PAPSS1: variants seen among roughly 807,000 people sequenced by gnomAD.
The protein encoded by PAPSS1 is 3'-phosphoadenosine 5'-phosphosulfate synthase 1, also known as bifunctional 3'-phosphoadenosine 5'-phosphosulfate synthase 1.
Under a neutral mutation model 72.0 loss-of-function variants are expected in PAPSS1, and 50 were observed. The ratio of observed to expected loss-of-function variants is 0.69; its 90% confidence interval spans 0.55 to 0.88. The LOEUF (loss-of-function observed/expected upper bound fraction) is 0.88. Among genes scored for constraint, PAPSS1 ranks in the 40% least tolerant of loss-of-function variants. The pLI, the probability that PAPSS1 is intolerant of heterozygous loss-of-function variation, is 0.00. For synonymous variants in PAPSS1, 261 were observed against 263.6 expected (o/e 0.99, Z 0.09); for missense variants, 657 against 782.2 (o/e 0.84, Z 1.91).
chr4:107,671,856 T>C (rs1325127979), intron 5 of PAPSS1, among the ~76,000 whole-genome samples: 1 of 152,236 alleles, frequency 6.6e-6, no homozygotes, highest in African/African-American at 2.4e-5. Flanking sequence ...TTCATTGTTG[T>C]ATTAATTTTC....
chr4:107,686,011 G>GT (rs1169547833), intron 4 of PAPSS1, among the ~76,000 whole-genome samples: 4 of 152,058 alleles, frequency 2.6e-5, no homozygotes, highest in African/African-American at 9.7e-5. Context: ...TTTTTGTTTT[G>GT]TTTTTGCCAG....
intron 5 of PAPSS1, among the ~76,000 whole-genome samples, chr4:107,661,149 A>T (rs1220696012): frequency 6.6e-6 from 1 of 152,222 alleles, no homozygotes; most frequent in East Asian, 1.9e-4. Context: ...AATCAAAACA[A>T]GATAGCACAA....
At chr4:107,633,992 C>G (rs940048384) in intron 10 of PAPSS1, among the ~76,000 whole-genome samples, 20 of 150,940 alleles carry the variant, frequency 1.3e-4, no homozygotes, top group Admixed American at 1.3e-3. Flanking sequence ...ATCAAATTAG[C>G]AGCAATTCTA....
intron 5 of PAPSS1, among the ~76,000 whole-genome samples, chr4:107,673,102 A>C (rs1319095121): frequency 6.6e-6 from 1 of 152,190 alleles, no homozygotes; most frequent in Admixed American, 6.5e-5. Flanking sequence ...AAAACCACAA[A>C]GATGGGGAAA....
chr4:107,704,699 C>T (rs905430742), intron 1 of PAPSS1, among the ~76,000 whole-genome samples: 1 of 152,158 alleles, frequency 6.6e-6, no homozygotes, highest in African/African-American at 2.4e-5. Context: ...CACCACTAAT[C>T]CCAGCACTTC....
rs1370895603 is a variant in PAPSS1, at chr4:107,621,213, C to T, written c.1737-6826G>A. On this transcript the variant is annotated intron_variant, in intron 11 of 11. Transcript: ENST00000265174. The stretch of plus-strand genomic sequence containing the variant: ...ATAAACTTCTTTATTCAACTGCAAC[C>T]AGTGAGATTTATGGCATAGTATGGT... 2.0e-5 allele frequency among the ~76,000 whole-genome samples: 3 copies of T among 152,044 alleles called. 1 individual carries two copies. In the South Asian group the frequency reaches 6.2e-4, roughly 32 times the overall value.
chr4:107,720,132 G>A lies in PAPSS1; in HGVS notation c.48C>T (p.Asn16=). ...GTCCCCAGCTTACCCAGTTCTGCGC[G>A]TTATTGCTCAGTTTGACTTTCTTGC... ...SLCKKVKLSN[N]AQNWGMQRAT... Residue 16 remains asparagine (N), a synonymous_variant, in exon 1 of 12, where the codon AAC becomes AAT. Transcript: ENST00000265174. The A allele has an allele frequency of 6.2e-7, 1 of 1,606,574 alleles. No homozygotes were observed. Among genetic ancestry groups the A allele is most frequent in the Non-Finnish European group, 8.5e-7 (1 of 1,176,762 alleles).
intron 11 of PAPSS1, among the ~76,000 whole-genome samples, chr4:107,624,611 T>C (rs1413355387): frequency 6.6e-6 from 1 of 152,168 alleles, no homozygotes; most frequent in East Asian, 1.9e-4. Context: ...TATAATTTGA[T>C]TTTCAAAAAT....
intron 5 of PAPSS1, among the ~76,000 whole-genome samples, chr4:107,669,528 T>C (rs1400512008): frequency 6.6e-6 from 1 of 152,212 alleles, no homozygotes; most frequent in Non-Finnish European, 1.5e-5. Flanking sequence ...GGAATGTTTA[T>C]TGCTTAATTC....
intron 8 of PAPSS1, among the ~76,000 whole-genome samples, chr4:107,654,336 C>G (rs1350018614): frequency 7.2e-5 from 11 of 152,152 alleles, no homozygotes; most frequent in Non-Finnish European, 1.5e-5. Flanking sequence ...CTGGTGAGGG[C>G]TCCCTTAGCC....
At chr4:107,619,895 C>T (rs749421050) in intron 11 of PAPSS1, among the ~76,000 whole-genome samples, 4 of 152,142 alleles carry the variant, frequency 2.6e-5, no homozygotes, top group African/African-American at 7.2e-5. Context: ...GAAAAAAACC[C>T]GAAATGAGCA....
At chr4:107,688,768 T>G (rs751009045) in intron 3 of PAPSS1, among the ~76,000 whole-genome samples, 2 of 152,200 alleles carry the variant, frequency 1.3e-5, no homozygotes, top group Non-Finnish European at 2.9e-5. Flanking sequence ...CACTGAAGCT[T>G]GAACCCTGAC....
At chr4:107,704,811 A>C (rs1245597618) in intron 1 of PAPSS1, among the ~76,000 whole-genome samples, 1 of 152,002 alleles carries the variant, frequency 6.6e-6, no homozygotes, top group Non-Finnish European at 1.5e-5. Context: ...ATTAGCCGGG[A>C]ATGGTGGCAT....
At chr4:107,628,501 G>T (rs1253776490) in intron 11 of PAPSS1, among the ~76,000 whole-genome samples, 1 of 152,188 alleles carries the variant, frequency 6.6e-6, no homozygotes, top group Non-Finnish European at 1.5e-5. Context: ...AGTATCATGG[G>T]AAAGGATGGC....
chr4:107,680,841 A>G (rs1263071813), intron 5 of PAPSS1, among the ~76,000 whole-genome samples: 1 of 152,208 alleles, frequency 6.6e-6, no homozygotes, highest in East Asian at 1.9e-4. Context: ...TGAAGCATAA[A>G]ACCTCCTGGG....
chr4:107,677,897 G>A lies in PAPSS1; in HGVS notation c.669+4118C>T, dbSNP rs139624810. Among the ~76,000 whole-genome samples the A allele has an allele frequency of 7.7e-3, 1,173 of 152,308 alleles. 24 individuals carry two copies. Among genetic ancestry groups the A allele is most frequent in the Admixed American group, 0.047 (719 of 15,296 alleles). ...TCATGTCCTTTGTAGGGACATGGATGAAGCTGGAAACCATCATTCTCAGCA... is the reference window on the plus strand; with the variant it reads ...TCATGTCCTTTGTAGGGACATGGATAAAGCTGGAAACCATCATTCTCAGCA... On this transcript the variant is annotated intron_variant, in intron 5 of 11. Transcript: ENST00000265174.
intron 2 of PAPSS1, among the ~76,000 whole-genome samples, chr4:107,695,750 G>A (rs1560588363): frequency 6.6e-6 from 1 of 152,222 alleles, no homozygotes; most frequent in South Asian, 2.1e-4. Flanking sequence ...ATAATCATGT[G>A]GTTTTTGTTA....
chr4:107,665,894 A>C (rs1176417588), intron 5 of PAPSS1, among the ~76,000 whole-genome samples: 1 of 152,176 alleles, frequency 6.6e-6, no homozygotes, highest in African/African-American at 2.4e-5. Flanking sequence ...CTCGCCTCTC[A>C]TTTTAATCTT....
At chr4:107,680,824 G>A (rs1215955161) in intron 5 of PAPSS1, among the ~76,000 whole-genome samples, 1 of 152,154 alleles carries the variant, frequency 6.6e-6, no homozygotes, top group Non-Finnish European at 1.5e-5. Flanking sequence ...CTAGAAGGCA[G>A]AGATGATGAA....
Sources: allele counts gnomAD v4.1 joint callset (sites outside exome capture counted in the v4.1 genomes callset), GRCh38; gene constraint gnomAD v4.1.1; transcripts MANE v1.5; gene names NCBI Gene and HGNC (gene_info 2026-07-23, HGNC 2026-07-21).